Variants in MDGA2 observed in about 807,000 individuals in gnomAD.
MDGA2 encodes MAM domain-containing glycosylphosphatidylinositol anchor protein 2.
A neutral mutation model predicts 117.8 loss-of-function variants in MDGA2; 40 were observed. That is an observed-to-expected ratio of 0.34 (90% CI 0.26 to 0.44). The LOEUF (loss-of-function observed/expected upper bound fraction) is 0.44. Among genes scored for constraint, MDGA2 ranks in the 20% least tolerant of loss-of-function variants. MDGA2 has a pLI of 1.00. For synonymous variants in MDGA2, 452 were observed against 439.0 expected (o/e 1.03, Z -0.37); for missense variants, 1,123 against 1,250.6 (o/e 0.90, Z 1.54).
chr14:47,364,264 A>ATATT (rs1555376427), intron 1 of MDGA2, among the ~76,000 whole-genome samples: 1 of 152,014 alleles, frequency 6.6e-6, no homozygotes, highest in African/African-American at 2.4e-5. Flanking sequence ...GAATTATATT[A>ATATT]TATTTATTTA....
At chr14:47,088,637 C>T (rs556790494) in intron 6 of MDGA2, among the ~76,000 whole-genome samples, 1 of 152,018 alleles carries the variant, frequency 6.6e-6, no homozygotes, top group South Asian at 2.1e-4. Context: ...TGGGAAATTG[C>T]CAATTAATTC....
At chr14:47,554,541 T>C (rs1405636591) in intron 1 of MDGA2, among the ~76,000 whole-genome samples, 2 of 152,210 alleles carry the variant, frequency 1.3e-5, no homozygotes, top group African/African-American at 4.8e-5. Flanking sequence ...ATTTTATTAC[T>C]AGTACATTTT....
At chr14:47,539,295 T>C (rs1044926185) in intron 1 of MDGA2, among the ~76,000 whole-genome samples, 2 of 152,162 alleles carry the variant, frequency 1.3e-5, no homozygotes, top group African/African-American at 2.4e-5. Context: ...ATTCTTGCAA[T>C]AGTAGCAAAA....
chr14:47,507,647 TC>T (rs1183325353), intron 1 of MDGA2, among the ~76,000 whole-genome samples: 1 of 152,188 alleles, frequency 6.6e-6, no homozygotes, highest in Non-Finnish European at 1.5e-5. Flanking sequence ...TTTCAACTTG[TC>T]CCTAGTGATA....
chr14:47,163,179 C>T (rs1232995873), intron 3 of MDGA2, among the ~76,000 whole-genome samples: 1 of 152,068 alleles, frequency 6.6e-6, no homozygotes, highest in Non-Finnish European at 1.5e-5. Context: ...CTCCATGGAC[C>T]AGTGGTGAAG....
chr14:47,595,546 AC>A (rs1394419543), intron 1 of MDGA2, among the ~76,000 whole-genome samples: 3 of 108,130 alleles, frequency 2.8e-5, no homozygotes, highest in African/African-American at 1.6e-4. Context: ...AAACCAAAAA[AC>A]AAAAAAAAAC....
chr14:47,268,655 C>T (rs1326064722), intron 2 of MDGA2, among the ~76,000 whole-genome samples: 1 of 152,110 alleles, frequency 6.6e-6, no homozygotes, highest in Non-Finnish European at 1.5e-5. Flanking sequence ...ATTCTGATCT[C>T]TTTGGTGCCA....
intron 10 of MDGA2, among the ~76,000 whole-genome samples, chr14:46,910,215 T>C (rs895758562): frequency 8.5e-5 from 13 of 152,120 alleles, no homozygotes; most frequent in African/African-American, 2.9e-4. Flanking sequence ...GCCTTTTTGC[T>C]CTCTCCCTTC....
intron 5 of MDGA2, among the ~76,000 whole-genome samples, chr14:47,114,351 A>G (rs192078022): frequency 1.6e-4 from 25 of 152,320 alleles, no homozygotes; most frequent in Admixed American, 1.6e-3. Context: ...ATCCTGCCCA[A>G]TATAATTTAT....
In MDGA2 at chr14:47,012,568, A is replaced by G. The variant is rs186839150; in HGVS notation, c.1819+22443T>C. ...AATAAAAATACATGTACATTTGGAGAGTGACTTAAAGTTTAAACCAAATAG... is the reference window on the plus strand; with the variant it reads ...AATAAAAATACATGTACATTTGGAGGGTGACTTAAAGTTTAAACCAAATAG... On this transcript the variant is annotated intron_variant, in intron 8 of 16. Coordinates refer to ENST00000399232, the MANE Select transcript of MDGA2 (RefSeq NM_001113498.3). Among the ~76,000 whole-genome samples the G allele has an allele frequency of 7.2e-5, 11 of 152,298 alleles. No individual in the cohort carries two copies. The East Asian group carries it at 2.1e-3, about 29-fold the overall frequency.
intron 8 of MDGA2, among the ~76,000 whole-genome samples, chr14:46,959,248 T>TAC (rs1885687033): frequency 1.5e-5 from 1 of 67,248 alleles, no homozygotes; most frequent in Non-Finnish European, 2.3e-5. Context: ...AGCAATGCTA[T>TAC]ATATGTGTGT....
At chr14:47,287,427 A>G (rs533077427) in intron 2 of MDGA2, among the ~76,000 whole-genome samples, 47 of 152,282 alleles carry the variant, frequency 3.1e-4, no homozygotes, top group African/African-American at 1.1e-3. Flanking sequence ...CAAATAGTTG[A>G]AAAATATGAA....
chr14:47,290,366 C>G (rs1318199529), intron 2 of MDGA2, among the ~76,000 whole-genome samples: 1 of 152,070 alleles, frequency 6.6e-6, no homozygotes, highest in Non-Finnish European at 1.5e-5. Context: ...AAGCCCTCAT[C>G]ATACATGGAA....
intron 9 of MDGA2, among the ~76,000 whole-genome samples, chr14:46,928,041 T>C (rs977473153): frequency 6.6e-5 from 10 of 152,136 alleles, no homozygotes; most frequent in Non-Finnish European, 1.3e-4. Context: ...GGGCATAAGG[T>C]ACAATTGCTT....
intron 3 of MDGA2, chr14:47,200,529 C>CCT: frequency 1.7e-6 from 1 of 586,028 alleles, no homozygotes; most frequent in Non-Finnish European, 2.6e-6. Flanking sequence ...TTTTCTTTTT[C>CCT]TTTTCTTTTT....
chr14:47,083,359 C>CT (rs1890777043), intron 6 of MDGA2, among the ~76,000 whole-genome samples: 1 of 151,684 alleles, frequency 6.6e-6, no homozygotes, highest in Non-Finnish European at 1.5e-5. Context: ...AGGTGGAAAG[C>CT]TATATAAAAA....
intron 6 of MDGA2, among the ~76,000 whole-genome samples, chr14:47,080,465 T>C (rs1046850640): frequency 1.4e-4 from 21 of 152,060 alleles, no homozygotes; most frequent in African/African-American, 5.1e-4. Context: ...TTGTTATTAA[T>C]AAATATTAAG....
intron 2 of MDGA2, among the ~76,000 whole-genome samples, chr14:47,250,145 T>A (rs1307322881): frequency 6.6e-6 from 1 of 152,162 alleles, no homozygotes; most frequent in Non-Finnish European, 1.5e-5. Flanking sequence ...GTCAATGTAT[T>A]CCTACCCTTG....
intron 6 of MDGA2, among the ~76,000 whole-genome samples, chr14:47,086,871 T>G (rs758094749): frequency 2.8e-4 from 42 of 152,204 alleles, no homozygotes; most frequent in Non-Finnish European, 4.4e-4. Flanking sequence ...TATGCTTCAG[T>G]TGTGATGTTA....
Sources: allele counts gnomAD v4.1 joint callset (sites outside exome capture counted in the v4.1 genomes callset), GRCh38; gene constraint gnomAD v4.1.1; transcripts MANE v1.5; gene names NCBI Gene and HGNC (gene_info 2026-07-23, HGNC 2026-07-21).